The following TBC1D22A variants were observed in gnomAD, a reference collection of about 807,000 sequenced individuals.
TBC1D22A encodes TBC1 domain family member 22A.
A neutral mutation model predicts 60.2 loss-of-function variants in TBC1D22A; 38 were observed. The observed-to-expected ratio is 0.63, with a 90% CI of 0.49 to 0.83. The LOEUF (loss-of-function observed/expected upper bound fraction) is 0.83. TBC1D22A is among the 40% of genes least tolerant of loss of function. The pLI is 0.00. For synonymous variants in TBC1D22A, 302 were observed against 281.7 expected (o/e 1.07, Z -0.72); for missense variants, 628 against 701.0 (o/e 0.90, Z 1.18).
intron 12 of TBC1D22A, among the ~76,000 whole-genome samples, chr22:47,161,766 C>T (rs4823471): frequency 0.6 from 91,496 of 152,110 alleles, 27,720 homozygotes; most frequent in East Asian, 0.71. Context: ...AAGTGTGTGC[C>T]GTGGGCTTGT....
intron 9 of TBC1D22A, among the ~76,000 whole-genome samples, chr22:46,978,608 T>TTTTG (rs1239379615): frequency 1.3e-4 from 20 of 152,140 alleles, no homozygotes; most frequent in East Asian, 3.9e-4. Context: ...GAAGCGTGTT[T>TTTTG]TTTGTTTGTT....
chr22:46,880,962 T>C (rs1162825566), intron 5 of TBC1D22A, among the ~76,000 whole-genome samples: 1 of 152,156 alleles, frequency 6.6e-6, no homozygotes, highest in East Asian at 1.9e-4. Flanking sequence ...TAAGGCTTCT[T>C]GGGGAAGGTG....
intron 8 of TBC1D22A, among the ~76,000 whole-genome samples, chr22:46,923,673 A>G (rs2147854961): frequency 6.6e-6 from 1 of 152,370 alleles, no homozygotes; most frequent in East Asian, 1.9e-4. Context: ...CCGCCGTACC[A>G]CTGTGCATAA....
chr22:46,891,855 A>C (rs1197998634), intron 6 of TBC1D22A, among the ~76,000 whole-genome samples: 2 of 152,218 alleles, frequency 1.3e-5, no homozygotes, highest in Non-Finnish European at 2.9e-5. Flanking sequence ...CGACCCAGGA[A>C]AGGTGTGTTC....
At chr22:46,797,694 A>G in intron 4 of TBC1D22A, 74 bp downstream of exon 4, 1 of 1,446,614 alleles carries the variant, frequency 6.9e-7, no homozygotes, top group Non-Finnish European at 9.2e-7. Context: ...ATCTTAAAGG[A>G]TTCTATGTAT....
chr22:46,762,674 C>G lies in TBC1D22A; in HGVS notation c.-113C>G. 4 of 904,950 alleles carry G rather than the reference C, an allele frequency of 4.4e-6. No homozygotes were observed. Among genetic ancestry groups the G allele is most frequent in the South Asian group, 2.4e-5 (1 of 42,056 alleles). The allele number at this position is 904,950 out of a possible 1,614,324, so 56.1% of individuals were successfully genotyped here. ...CGGAAGAGCTTCTCGGCTCTAGGCTCTGGAGTCCCGGGAGCAGTGAGGGGC... is the reference window on the plus strand; with the variant it reads ...CGGAAGAGCTTCTCGGCTCTAGGCTGTGGAGTCCCGGGAGCAGTGAGGGGC... On this transcript the variant is annotated 5_prime_UTR_variant, in exon 1 of 13. Transcript: ENST00000337137.
chr22:46,829,683 C>CTAT (rs985007148), intron 4 of TBC1D22A, among the ~76,000 whole-genome samples: 26 of 152,318 alleles, frequency 1.7e-4, no homozygotes, highest in African/African-American at 6.0e-4. Context: ...GCTAATGCAG[C>CTAT]TATTATTCAT....
chr22:47,023,163 G>A (rs1050133053), intron 10 of TBC1D22A, among the ~76,000 whole-genome samples: 9 of 152,210 alleles, frequency 5.9e-5, no homozygotes, highest in African/African-American at 2.2e-4. Flanking sequence ...AGACATGGAA[G>A]TAGAGACATG....
At chr22:47,132,517 C>T (rs1299468048) in intron 12 of TBC1D22A, among the ~76,000 whole-genome samples, 3 of 123,894 alleles carry the variant, frequency 2.4e-5, no homozygotes, top group African/African-American at 5.8e-5. Flanking sequence ...TGCACCGCCC[C>T]GCCCTGCTGT....
chr22:46,798,120 TC>T (rs1281274660), intron 4 of TBC1D22A, among the ~76,000 whole-genome samples: 6 of 152,238 alleles, frequency 3.9e-5, no homozygotes, highest in Non-Finnish European at 8.8e-5. Context: ...TAAGAGATCC[TC>T]CTGCCTCAGC....
chr22:46,984,160 A>C (rs1364683890), intron 9 of TBC1D22A, among the ~76,000 whole-genome samples: 4 of 151,886 alleles, frequency 2.6e-5, no homozygotes, highest in East Asian at 2.0e-4. Context: ...TGAGGTCAGG[A>C]GTTCAAGACC....
intron 1 of TBC1D22A, among the ~76,000 whole-genome samples, chr22:46,789,700 T>C (rs1378285689): frequency 2.6e-5 from 4 of 152,200 alleles, no homozygotes; most frequent in Admixed American, 2.6e-4. Context: ...CAATGTAATA[T>C]TTTAACGTTA....
intron 4 of TBC1D22A, among the ~76,000 whole-genome samples, chr22:46,858,964 T>C (rs1397780446): frequency 6.7e-6 from 1 of 149,370 alleles, no homozygotes; most frequent in Non-Finnish European, 1.5e-5. Flanking sequence ...CCAGAATCCT[T>C]TTCGATAGAG....
At chr22:46,876,534 C>G (rs1295108585) in intron 4 of TBC1D22A, among the ~76,000 whole-genome samples, 1 of 152,230 alleles carries the variant, frequency 6.6e-6, no homozygotes, top group African/African-American at 2.4e-5. Flanking sequence ...GGCGTCATTC[C>G]TCAGGCTGGT....
chr22:46,769,607 G>A (rs987505088), intron 1 of TBC1D22A, among the ~76,000 whole-genome samples: 2 of 152,174 alleles, frequency 1.3e-5, no homozygotes, highest in Admixed American at 1.3e-4. Flanking sequence ...AGGGGAGGGT[G>A]TATAGGAGTG....
chr22:47,006,821 G>A (rs200301946), intron 10 of TBC1D22A, among the ~76,000 whole-genome samples: 4 of 152,128 alleles, frequency 2.6e-5, no homozygotes, highest in South Asian at 2.1e-4. Context: ...CCCTTCTGCC[G>A]CCTTCCCTGA....
intron 4 of TBC1D22A, among the ~76,000 whole-genome samples, chr22:46,814,933 G>A (rs1460641144): frequency 6.6e-6 from 1 of 152,016 alleles, no homozygotes; most frequent in Non-Finnish European, 1.5e-5. Flanking sequence ...GATTACAGGT[G>A]TGAGCCACCA....
At chr22:46,787,815 A>G (rs2084224458) in intron 1 of TBC1D22A, among the ~76,000 whole-genome samples, 1 of 152,010 alleles carries the variant, frequency 6.6e-6, no homozygotes, top group African/African-American at 2.4e-5. Context: ...ATATGACAAA[A>G]TGTTGGAATT....
intron 4 of TBC1D22A, among the ~76,000 whole-genome samples, chr22:46,863,397 G>A (rs2066906247): frequency 6.6e-6 from 1 of 152,174 alleles, no homozygotes; most frequent in Admixed American, 6.5e-5. Context: ...TACTGTATTG[G>A]TGACATAGGT....
Sources: allele counts gnomAD v4.1 joint callset (sites outside exome capture counted in the v4.1 genomes callset), GRCh38; gene constraint gnomAD v4.1.1; transcripts MANE v1.5; gene names NCBI Gene and HGNC (gene_info 2026-07-23, HGNC 2026-07-21).